SHANK2: variants seen among roughly 807,000 people sequenced by gnomAD.
SHANK2 encodes the protein SH3 and multiple ankyrin repeat domains protein 2.
Under a neutral mutation model 133.7 loss-of-function variants are expected in SHANK2, and 43 were observed. That is an observed-to-expected ratio of 0.32 (90% confidence interval 0.25 to 0.41). The LOEUF (loss-of-function observed/expected upper bound fraction) is 0.41, where lower values mean the gene tolerates loss of function less well. SHANK2 is among the 10% of genes least tolerant of loss of function. SHANK2 has a pLI of 1.00. For missense variants in SHANK2, 1,994 were observed against 2,235.8 expected (o/e 0.89, Z 2.18); for synonymous variants, 1,017 against 952.8 (o/e 1.07, Z -1.24).
At chr11:70,531,132 T>C (rs1591542814) in intron 17 of SHANK2, among the ~76,000 whole-genome samples, 1 of 118,800 alleles carries the variant, frequency 8.4e-6, no homozygotes, top group African/African-American at 3.3e-5. Flanking sequence ...TACCCCAGCC[T>C]GGGCAACAGA....
chr11:70,837,452 G>A lies in SHANK2; in HGVS notation c.1175-16770C>T, dbSNP rs58712142. ...TTGTGCATTCACGCTCATGGTCAAC[G>A]CATGAGGAGGCTTTCCTTCACCATC... is the stretch of plus-strand genomic sequence containing the variant. On this transcript the variant is annotated intron_variant, in intron 11 of 25. Transcript: ENST00000601538. 7.1e-3 allele frequency among the ~76,000 whole-genome samples: 1,085 copies of A among 152,314 alleles called. 14 individuals carry two copies. The highest frequency in any genetic ancestry group is 0.025 in the African/African-American group (1,035 of 41,566).
At chr11:71,205,852 A>T (rs534190686) in intron 2 of SHANK2, among the ~76,000 whole-genome samples, 12 of 152,196 alleles carry the variant, frequency 7.9e-5, no homozygotes, top group Admixed American at 2.0e-4. Flanking sequence ...CCATGTCAAG[A>T]GTCGTTTCTG....
At chr11:70,630,672 G>A (rs1252057006) in intron 17 of SHANK2, among the ~76,000 whole-genome samples, 1 of 152,152 alleles carries the variant, frequency 6.6e-6, no homozygotes, top group Non-Finnish European at 1.5e-5. Context: ...CAGAGACTGG[G>A]GGATGTGGCC....
chr11:71,217,676 G>A (rs782253735), intron 2 of SHANK2, among the ~76,000 whole-genome samples: 3 of 152,260 alleles, frequency 2.0e-5, no homozygotes, highest in South Asian at 2.1e-4. Flanking sequence ...TCCTGACCCC[G>A]CGTAGGCCAA....
intron 17 of SHANK2, among the ~76,000 whole-genome samples, chr11:70,522,160 G>A (rs893922969): frequency 2.0e-5 from 3 of 152,160 alleles, no homozygotes; most frequent in Admixed American, 6.5e-5. Flanking sequence ...CCACAGCCCC[G>A]CTCCAGCTTT....
At chr11:71,116,729 G>A (rs1443738065) in intron 4 of SHANK2, among the ~76,000 whole-genome samples, 35 of 152,216 alleles carry the variant, frequency 2.3e-4, no homozygotes, top group Admixed American at 2.3e-3. Flanking sequence ...GGGGCCAGGT[G>A]GGAGGTCTTT....
chr11:70,636,994 C>T (rs963875011), intron 17 of SHANK2, among the ~76,000 whole-genome samples: 11 of 151,718 alleles, frequency 7.3e-5, no homozygotes, highest in East Asian at 3.9e-4. Flanking sequence ...CTCAGTCTGG[C>T]GGCGGGAAGT....
intron 14 of SHANK2, among the ~76,000 whole-genome samples, chr11:70,768,070 G>C (rs184544386): frequency 3.9e-4 from 60 of 152,242 alleles, no homozygotes; most frequent in African/African-American, 1.2e-3. Context: ...GGGGTGGGGG[G>C]GCTGAGGATG....
intron 17 of SHANK2, chr11:70,646,195 ATGAC>A (rs1555008176): frequency 6.6e-6 from 1 of 152,214 alleles, no homozygotes; most frequent in Non-Finnish European, 1.5e-5. Context: ...TTCAGTGTAA[ATGAC>A]TGTGAGCCTC....
At chr11:70,592,041 AT>A (rs1565158191) in intron 17 of SHANK2, among the ~76,000 whole-genome samples, 2 of 144,338 alleles carry the variant, frequency 1.4e-5, no homozygotes, top group South Asian at 2.4e-4. Context: ...TAAAAAAAAA[AT>A]AAATAAATAA....
At chr11:70,732,097 G>A (rs139914155) in intron 14 of SHANK2, among the ~76,000 whole-genome samples, 2,200 of 152,168 alleles carry the variant, frequency 0.014, 31 homozygotes, top group Admixed American at 0.035. Context: ...GACTCCTGTG[G>A]CCCCAGCCTC....
intron 17 of SHANK2, among the ~76,000 whole-genome samples, chr11:70,577,017 G>A (rs369787337): frequency 4.0e-4 from 61 of 152,126 alleles, no homozygotes; most frequent in African/African-American, 1.4e-3. Context: ...GAGAGCGCCC[G>A]TCCTGCACCT....
chr11:70,759,681 G>A (rs1025872865), intron 14 of SHANK2, among the ~76,000 whole-genome samples: 16 of 152,240 alleles, frequency 1.1e-4, no homozygotes, highest in African/African-American at 3.6e-4. Flanking sequence ...AAGACTGTGT[G>A]AGGCAAGGGT....
rs145078666 is a variant in SHANK2, at chr11:70,605,212, C to T, written c.2061+54616G>A. Among the ~76,000 whole-genome samples the T allele has an allele frequency of 3.2e-3, 485 of 152,368 alleles. 1 individual carries two copies. The highest frequency in any genetic ancestry group is 0.011 in the African/African-American group (465 of 41,582). ...ATGCCAAATCTTAAAGTAAACATGC[C>T]TCTTCTGGAAGATGCTCTCCCTGCT... is the stretch of plus-strand genomic sequence containing the variant. On this transcript the variant is annotated intron_variant, in intron 17 of 25. Coordinates refer to ENST00000601538, the MANE Select transcript of SHANK2 (RefSeq NM_012309.5).
intron 2 of SHANK2, among the ~76,000 whole-genome samples, chr11:71,189,648 C>T (rs531366392): frequency 5.3e-5 from 8 of 152,240 alleles, no homozygotes; most frequent in Non-Finnish European, 8.8e-5. Flanking sequence ...AATTCGCCCG[C>T]GTTGGCCTCC....
At chr11:70,704,418 T>A (rs1270641446) in intron 14 of SHANK2, among the ~76,000 whole-genome samples, 1 of 152,220 alleles carries the variant, frequency 6.6e-6, no homozygotes, top group Admixed American at 6.5e-5. Context: ...GGGAAGGTCC[T>A]GGTGAGGCTG....
chr11:70,805,213 TCA>T (rs1228158418), intron 13 of SHANK2, among the ~76,000 whole-genome samples: 5 of 152,208 alleles, frequency 3.3e-5, no homozygotes, highest in African/African-American at 9.6e-5. Flanking sequence ...AAAGCAGGAC[TCA>T]CAGAGGAGCA....
chr11:70,701,114 G>A (rs11603415), intron 14 of SHANK2, among the ~76,000 whole-genome samples: 53,885 of 152,060 alleles, frequency 0.35, 10,504 homozygotes, highest in Non-Finnish European at 0.45. Context: ...ATCGGAGGCC[G>A]GGGCCAGAAG....
chr11:70,825,447 G>A (rs572613584), intron 11 of SHANK2, among the ~76,000 whole-genome samples: 2 of 152,308 alleles, frequency 1.3e-5, no homozygotes, highest in African/African-American at 4.8e-5. Flanking sequence ...CACATGGGGA[G>A]GCCACCCTTG....
Sources: gnomAD v4.1 joint callset for allele counts (sites outside exome capture counted in the v4.1 genomes callset) on GRCh38, gnomAD v4.1.1 for gene constraint, MANE v1.5 for transcripts, NCBI Gene and HGNC (gene_info 2026-07-23, HGNC 2026-07-21) for gene names.